ACSM3: variants seen among roughly 807,000 people sequenced by gnomAD.
The protein encoded by ACSM3 is acyl-coenzyme A synthetase ACSM3, mitochondrial.
In ACSM3, 61 loss-of-function variants were observed where a neutral mutation model predicts 74.1. That is an observed-to-expected ratio of 0.82 (90% CI 0.67 to 1.02). ACSM3 has a LOEUF of 1.02. ACSM3 is among the 50% of genes least tolerant of loss of function. ACSM3 has a pLI of 0.00. For missense variants in ACSM3, 660 were observed against 697.0 expected (o/e 0.95, Z 0.60); for synonymous variants, 213 against 241.5 (o/e 0.88, Z 1.09).
upstream of ACSM3, among the ~76,000 whole-genome samples, chr16:20,759,710 G>A (rs1186484631): frequency 1.3e-5 from 2 of 152,114 alleles, no homozygotes; most frequent in African/African-American, 4.8e-5. Context: ...TAATCTGGCT[G>A]TTCATCTGTA....
At chr16:20,770,323 T>G in intron 2 of ACSM3, 70 bp downstream of exon 2, 7 of 1,322,780 alleles carry the variant, frequency 5.3e-6, no homozygotes, top group Non-Finnish European at 7.5e-6. Flanking sequence ...GTAACATCTC[T>G]AATGTCTAGA....
At chr16:20,727,428 G>A (rs1312416808) in intron 1 of ACSM3, 36 of 533,500 alleles carry the variant, frequency 6.7e-5, no homozygotes, top group Non-Finnish European at 8.5e-5. Flanking sequence ...GGCACAAACT[G>A]GGCTGGAGCT....
At position 20,786,120 on chromosome 16, in the gene ACSM3, G is replaced by A. The variant is rs368608072; in HGVS notation, c.1186G>A (p.Gly396Ser). The A allele has an allele frequency of 1.9e-6, 3 of 1,604,122 alleles. No homozygotes were observed. Among genetic ancestry groups the A allele is most frequent in the African/African-American group, 1.3e-5 (1 of 74,204 alleles). Residue 396 changes from glycine to serine, a missense_variant, in exon 9 of 14, where the codon GGC (glycine) becomes AGC (serine). Coordinates refer to ENST00000289416, the MANE Select transcript of ACSM3 (RefSeq NM_005622.4). ...TTTTAAGGGAATGAAAATTAAACCT[G>A]GCTCAATGGGAAAACCTTCTCCTGC... ...GNFKGMKIKP[G>S]SMGKPSPAFD...
At chr16:20,746,826 G>C (rs1227356046) in intron 1 of ACSM3, among the ~76,000 whole-genome samples, 1 of 152,110 alleles carries the variant, frequency 6.6e-6, no homozygotes, top group African/African-American at 2.4e-5. Flanking sequence ...CATTCCACCA[G>C]TGCCTGGGTC....
At chr16:20,685,986 A>T (rs1340710101) in intron 1 of ACSM3, among the ~76,000 whole-genome samples, 1 of 152,016 alleles carries the variant, frequency 6.6e-6, no homozygotes, top group Non-Finnish European at 1.5e-5. Flanking sequence ...ATTCCACCAC[A>T]TGCCTGCCTT....
At chr16:20,716,867 C>A (rs1444867892) in intron 1 of ACSM3, among the ~76,000 whole-genome samples, 1 of 152,162 alleles carries the variant, frequency 6.6e-6, no homozygotes, top group East Asian at 1.9e-4. Context: ...GGTCTGATCA[C>A]CCCAACAGGG....
chr16:20,783,969 C>T (rs1048462792), intron 7 of ACSM3, among the ~76,000 whole-genome samples: 8 of 152,192 alleles, frequency 5.3e-5, no homozygotes, highest in Non-Finnish European at 1.5e-5. Flanking sequence ...CCATGCCTGG[C>T]TACTTTTTGT....
intron 1 of ACSM3, among the ~76,000 whole-genome samples, chr16:20,740,399 C>CA (rs1352840207): frequency 2.0e-5 from 3 of 152,094 alleles, no homozygotes; most frequent in African/African-American, 4.8e-5. Flanking sequence ...AGACCGCTTC[C>CA]AAAAAAAGAA....
intron 8 of ACSM3, among the ~76,000 whole-genome samples, chr16:20,785,861 G>A (rs545231578): frequency 1.3e-5 from 2 of 152,174 alleles, no homozygotes; most frequent in African/African-American, 4.8e-5. Flanking sequence ...CTCATGTTTT[G>A]ATAAATATGG....
At chr16:20,741,547 G>C (rs749852619) in intron 1 of ACSM3, 2 of 1,544,332 alleles carry the variant, frequency 1.3e-6, no homozygotes, top group Non-Finnish European at 1.8e-6. Context: ...TATTCGTTGA[G>C]GAGGCTGTAG....
chr16:20,741,481 G>GGGGGGGGGGGGGCGC, intron 1 of ACSM3: 1 of 1,308,412 alleles, frequency 7.6e-7, no homozygotes, highest in Non-Finnish European at 9.9e-7. Context: ...CTGGCAGCCG[G>GGGGGGGGGGGGGCGC]CCCGCCCGCC....
chr16:20,748,895 T>C (rs1391390147), intron 1 of ACSM3, among the ~76,000 whole-genome samples: 1 of 151,904 alleles, frequency 6.6e-6, no homozygotes, highest in Non-Finnish European at 1.5e-5. Context: ...CTACTAAAAA[T>C]ACAAAAATCA....
In ACSM3 at chr16:20,729,368, T is replaced by C. The variant is rs906878378; in HGVS notation, c.-189-20542T>C. The C allele has an allele frequency of 2.6e-5, 36 of 1,376,518 alleles. No individual in the cohort carries two copies. The African/African-American group carries it at 4.0e-4, about 15-fold the overall frequency. The allele number at this position is 1,376,518 out of a possible 1,614,324, so 85.3% of individuals were successfully genotyped here. A position where few individuals can be genotyped will look rare whatever the true frequency, so the allele number is the denominator to read the frequency against. The stretch of plus-strand genomic sequence containing the variant: ...CATTATTTCCTCTGGGTTTGTAGAT[T>C]TGCCACTCTTAAGAGGCAAGGATTG... On this transcript the variant is annotated intron_variant, in intron 1 of 3. Transcript: ENST00000561584.
At chr16:20,765,440 T>C (rs936732247) in intron 1 of ACSM3, among the ~76,000 whole-genome samples, 1 of 152,184 alleles carries the variant, frequency 6.6e-6, no homozygotes, top group East Asian at 1.9e-4. Flanking sequence ...ATCAATTTTC[T>C]TTTCAACATA....
intron 1 of ACSM3, among the ~76,000 whole-genome samples, chr16:20,715,932 G>C (rs2079760090): frequency 6.6e-6 from 1 of 152,184 alleles, no homozygotes. Context: ...GAGTATCCAA[G>C]GCAGGTTCAC....
chr16:20,738,419 A>G (rs546747935), intron 1 of ACSM3: 98 of 299,232 alleles, frequency 3.3e-4, no homozygotes, highest in Non-Finnish European at 6.3e-4. Context: ...TCCCAGAACC[A>G]TGCTGGGCAC....
intron 1 of ACSM3, chr16:20,742,075 ACCTGTT>A: frequency 7.5e-7 from 1 of 1,332,924 alleles, no homozygotes; most frequent in African/African-American, 1.5e-5. Context: ...CAACCTTGGT[ACCTGTT>A]CCTCCAGCCT....
Position 20,792,314 on chromosome 16 carries a change from C to A in ACSM3, c.1533C>A (p.Ser511Arg). ...PSVAESAVVS[S>R]PDPIRGEVVK... is the part of the protein sequence containing the mutation. ...TTGCAGAGTCAGCTGTTGTCAGCAGCCCAGACCCCATCAGAGGAGAGGTAA... is the reference window on the plus strand; with the variant it reads ...TTGCAGAGTCAGCTGTTGTCAGCAGACCAGACCCCATCAGAGGAGAGGTAA... Residue 511 changes from serine (S) to arginine (R), a missense_variant, in exon 12 of 14, where the codon AGC (serine) becomes AGA (arginine). Transcript: ENST00000289416. 2 of 1,613,988 alleles carry A rather than the reference C, an allele frequency of 1.2e-6. No homozygotes were observed. The highest frequency in any genetic ancestry group is 1.7e-6 in the Non-Finnish European group (2 of 1,179,896).
At chr16:20,717,898 A>G (rs781410714) in intron 1 of ACSM3, among the ~76,000 whole-genome samples, 13 of 146,064 alleles carry the variant, frequency 8.9e-5, no homozygotes, top group Non-Finnish European at 1.5e-4. Context: ...GAAGAAGGAG[A>G]AGGAGGAAAA....
Sources: allele counts gnomAD v4.1 joint callset (sites outside exome capture counted in the v4.1 genomes callset), GRCh38; gene constraint gnomAD v4.1.1; transcripts MANE v1.5; gene names NCBI Gene and HGNC (gene_info 2026-07-23, HGNC 2026-07-21).